The following RP1 variants were observed in gnomAD, a reference collection of about 807,000 sequenced individuals.
RP1 encodes RP1 axonemal microtubule associated, also known as oxygen-regulated protein 1.
In RP1, 16 loss-of-function variants were observed where a neutral mutation model predicts 14.8. That is an observed-to-expected ratio of 1.08 (90% CI 0.73 to 1.65). RP1 has a LOEUF of 1.65. RP1 is among the 40% of genes most tolerant of loss of function. RP1 has a pLI of 0.00. For synonymous variants in RP1, 876 were observed against 883.6 expected, an observed-to-expected ratio of 0.99 and a Z score of 0.15; for missense variants, 2,631 against 2,535.0, an observed-to-expected ratio of 1.04 and a Z score of -0.81.
intron 24 of RP1, among the ~76,000 whole-genome samples, chr8:54,803,005 C>CT (rs987805245): frequency 2.6e-3 from 395 of 149,732 alleles, no homozygotes; most frequent in African/African-American, 8.6e-3. Context: ...GGATTCATAG[C>CT]TTTTTTTTTT....
chr8:54,712,519 A>G (rs902062328), intron 15 of RP1, among the ~76,000 whole-genome samples: 1 of 152,156 alleles, frequency 6.6e-6, no homozygotes, highest in African/African-American at 2.4e-5. Flanking sequence ...CATTAACAAT[A>G]TGTCATTAGC....
At chr8:54,780,458 C>T (rs188650197) in intron 23 of RP1, among the ~76,000 whole-genome samples, 210 of 152,316 alleles carry the variant, frequency 1.4e-3, no homozygotes, top group Admixed American at 2.0e-3. Flanking sequence ...GACGCAATAC[C>T]TGTAAGTCAA....
chr8:54,853,929 A>G (rs1812123830), intron 26 of RP1, among the ~76,000 whole-genome samples: 1 of 149,414 alleles, frequency 6.7e-6, no homozygotes, highest in African/African-American at 2.5e-5. Flanking sequence ...AAAAAGGGAG[A>G]GAGAGAGAAA....
chr8:54,680,173 G>A (rs1313867016), intron 12 of RP1, among the ~76,000 whole-genome samples: 1 of 152,124 alleles, frequency 6.6e-6, no homozygotes, highest in Non-Finnish European at 1.5e-5. Flanking sequence ...AGAATAAAAT[G>A]TAGGCAGTTA....
At chr8:54,852,270 G>GT (rs1419759785) in intron 25 of RP1, among the ~76,000 whole-genome samples, 4 of 151,982 alleles carry the variant, frequency 2.6e-5, no homozygotes, top group Admixed American at 6.6e-5. Context: ...GAGAGTTTCT[G>GT]TTTTTTTAAA....
rs772185171 is a variant in RP1, at chr8:54,626,266, T to C, written c.2384T>C (p.Ile795Thr). Residue 795 changes from isoleucine to threonine, a missense_variant, in exon 4 of 4, where the codon ATC (isoleucine) becomes ACC (threonine). Ile to Thr is a moderately conservative substitution (Grantham distance 89). Transcript: ENST00000220676. ...ISLGAPKKREIGQRDKVFPHN... is the reference protein window; with the variant it reads ...ISLGAPKKRETGQRDKVFPHN... Reference sequence around the variant, plus strand: ...TTAGGAGCACCTAAAAAAAGAGAAATCGGTCAAAGAGATAAAGTGTTTCCT... The same window carrying C: ...TTAGGAGCACCTAAAAAAAGAGAAACCGGTCAAAGAGATAAAGTGTTTCCT... 3.7e-6 allele frequency: 6 copies of C among 1,613,096 alleles called. No homozygotes were observed. Among genetic ancestry groups the C allele is most frequent in the Admixed American group, 3.3e-5 (2 of 59,934 alleles).
At chr8:54,857,722 G>C (rs2129410353) in intron 27 of RP1, among the ~76,000 whole-genome samples, 1 of 152,178 alleles carries the variant, frequency 6.6e-6, no homozygotes, top group African/African-American at 2.4e-5. Context: ...GTCTGTCCCT[G>C]TGTTTCCCTG....
chr8:54,726,505 T>A, intron 17 of RP1: 3 of 1,508,610 alleles, frequency 2.0e-6, no homozygotes, highest in Non-Finnish European at 2.6e-6. Context: ...TTTCATACTT[T>A]TGGTTTGTTT....
intron 6 of RP1, among the ~76,000 whole-genome samples, chr8:54,662,918 C>T (rs188011929): frequency 1.6e-4 from 24 of 152,290 alleles, no homozygotes; most frequent in Admixed American, 7.2e-4. Context: ...TTACCTGGAA[C>T]TAGAACTCTT....
At chr8:54,869,199 T>C (rs901022411) in intron 28 of RP1, among the ~76,000 whole-genome samples, 2 of 152,142 alleles carry the variant, frequency 1.3e-5, no homozygotes, top group African/African-American at 4.8e-5. Context: ...CAGATCAAAA[T>C]ATATTTGACT....
At chr8:54,667,794 G>T (rs964331404) in intron 7 of RP1, among the ~76,000 whole-genome samples, 2 of 152,026 alleles carry the variant, frequency 1.3e-5, no homozygotes, top group African/African-American at 4.8e-5. Flanking sequence ...ACCCAGTGAT[G>T]GTTTAAAGAG....
chr8:54,608,460 C>T (rs1805513650), intron 1 of RP1, among the ~76,000 whole-genome samples: 1 of 152,092 alleles, frequency 6.6e-6, no homozygotes, highest in African/African-American at 2.4e-5. Flanking sequence ...CCTGACTAAC[C>T]AAATGACTTG....
chr8:54,588,983 CAATT>C (rs1804989318), intron 1 of RP1, among the ~76,000 whole-genome samples: 1 of 152,148 alleles, frequency 6.6e-6, no homozygotes, highest in African/African-American at 2.4e-5. Flanking sequence ...CTAGTGTGCA[CAATT>C]AATAAATGGG....
chr8:54,685,173 A>T (rs914301872), intron 12 of RP1, among the ~76,000 whole-genome samples: 12 of 151,960 alleles, frequency 7.9e-5, no homozygotes, highest in Admixed American at 7.9e-4. Context: ...TTCAGCTCTG[A>T]TATTTGTTAT....
chr8:54,685,187 T>C (rs962345264), intron 12 of RP1, among the ~76,000 whole-genome samples: 7 of 152,208 alleles, frequency 4.6e-5, no homozygotes, highest in African/African-American at 1.7e-4. Context: ...TTGTTATTTC[T>C]TGTCTTCTAC....
chr8:54,613,407 T>G (rs773961944), upstream of RP1, among the ~76,000 whole-genome samples: 12 of 152,174 alleles, frequency 7.9e-5, no homozygotes, highest in Non-Finnish European at 1.8e-4. Context: ...GGCATATATA[T>G]CTCCACAACA....
intron 24 of RP1, among the ~76,000 whole-genome samples, chr8:54,809,185 T>C (rs1472460121): frequency 2.0e-5 from 3 of 152,232 alleles, no homozygotes; most frequent in South Asian, 2.1e-4. Context: ...CTATACAAGA[T>C]TGAATTTGTT....
At chr8:54,828,370 G>A (rs1585727195) in intron 24 of RP1, among the ~76,000 whole-genome samples, 1 of 152,278 alleles carries the variant, frequency 6.6e-6, no homozygotes, top group East Asian at 1.9e-4. Context: ...ATGGCTTTGT[G>A]TCGTTCTCTC....
intron 21 of RP1, among the ~76,000 whole-genome samples, chr8:54,758,344 C>A (rs1809558064): frequency 6.6e-6 from 1 of 151,652 alleles, no homozygotes; most frequent in Non-Finnish European, 1.5e-5. Flanking sequence ...CAAACCAATT[C>A]TATTTAGGAG....
Sources: allele counts gnomAD v4.1 joint callset (sites outside exome capture counted in the v4.1 genomes callset), GRCh38; gene constraint gnomAD v4.1.1; transcripts MANE v1.5; gene names NCBI Gene and HGNC (gene_info 2026-07-23, HGNC 2026-07-21).